COL23A1: variants seen among roughly 807,000 people sequenced by gnomAD.
COL23A1 encodes collagen type XXIII alpha 1 chain.
Under a neutral mutation model 99.3 loss-of-function variants are expected in COL23A1, and 97 were observed. The ratio of observed to expected loss-of-function variants is 0.98; its 90% CI spans 0.83 to 1.16. The LOEUF (loss-of-function observed/expected upper bound fraction) is 1.16, where lower values mean the gene tolerates loss of function less well. Ranked by LOEUF, COL23A1 falls within the 50% of genes most tolerant of loss-of-function variation. The pLI is 0.00. For synonymous variants in COL23A1, 320 were observed against 308.2 expected, an observed-to-expected ratio of 1.04 and a Z score of -0.40; for missense variants, 762 against 757.4, an observed-to-expected ratio of 1.01 and a Z score of -0.07.
At chr5:178,531,702 T>A (rs770222392) in intron 2 of COL23A1, among the ~76,000 whole-genome samples, 4 of 152,216 alleles carry the variant, frequency 2.6e-5, no homozygotes, top group Non-Finnish European at 4.4e-5. Context: ...ATTTTGTTAT[T>A]GTTGCCAAAA....
At chr5:178,511,425 G>A (rs1759198262) in intron 2 of COL23A1, among the ~76,000 whole-genome samples, 4 of 152,250 alleles carry the variant, frequency 2.6e-5, no homozygotes, top group Admixed American at 2.6e-4. Context: ...CTCCGGCTGT[G>A]AGTTGTCATT....
Position 178,309,781 on chromosome 5 carries a change from C to T in COL23A1, c.362-2862G>A, listed in dbSNP as rs1343031064. Among the ~76,000 whole-genome samples the T allele has an allele frequency of 3.3e-5, 5 of 151,982 alleles. No homozygotes were observed. The highest frequency in any genetic ancestry group is 4.8e-5 in the African/African-American group (2 of 41,350). ...CAGCATCAGGCGAACGCTGCCCCTG[C>T]ACTCAGTCCCCCACTCTGCCACTCG... On this transcript the variant is annotated intron_variant, in intron 2 of 28. Coordinates refer to ENST00000390654, the MANE Select transcript of COL23A1 (RefSeq NM_173465.4). This position sits in a 1 kb window ranked among gnomAD's most constrained non-coding sequence, Gnocchi z 4.7.
intron 2 of COL23A1, among the ~76,000 whole-genome samples, chr5:178,318,488 T>C (rs1427772158): frequency 6.6e-6 from 1 of 152,152 alleles, no homozygotes; most frequent in African/African-American, 2.4e-5. Flanking sequence ...TCAGCGTGCC[T>C]GAGACTACGA....
At chr5:178,334,662 C>T (rs1396342804) in intron 2 of COL23A1, among the ~76,000 whole-genome samples, 4 of 152,196 alleles carry the variant, frequency 2.6e-5, no homozygotes, top group Non-Finnish European at 4.4e-5. Flanking sequence ...AGAAAATTAC[C>T]TACATGGGTC....
At chr5:178,311,879 C>T (rs566345497) in intron 2 of COL23A1, among the ~76,000 whole-genome samples, 39 of 152,138 alleles carry the variant, frequency 2.6e-4, no homozygotes, top group Non-Finnish European at 4.0e-4. Context: ...CACAGGCACG[C>T]GCCACCATGC....
At chr5:178,331,028 G>A (rs747309571) in intron 2 of COL23A1, among the ~76,000 whole-genome samples, 1 of 152,194 alleles carries the variant, frequency 6.6e-6, no homozygotes, top group Admixed American at 6.5e-5. Context: ...GATAAACCTC[G>A]TCTCTCTTAT....
At chr5:178,400,227 C>T (rs186522762) in intron 2 of COL23A1, among the ~76,000 whole-genome samples, 2,444 of 151,876 alleles carry the variant, frequency 0.016, 29 homozygotes, top group Non-Finnish European at 0.024. Context: ...ATTAGCCGGG[C>T]GTGGTGGCGG....
Position 178,397,891 on chromosome 5 carries a change from G to A in COL23A1, c.362-90972C>T, listed in dbSNP as rs565910277. On this transcript the variant is annotated intron_variant, in intron 2 of 28. Transcript: ENST00000390654. ...AGTTCCAGCTACTCAGGAGGCTGAG[G>A]CAGGAGAACAGCCTGAACCTTGGAG... is the stretch of plus-strand genomic sequence containing the variant. 4.6e-5 allele frequency among the ~76,000 whole-genome samples: 7 copies of A among 152,292 alleles called. No homozygotes were observed. The East Asian group carries it at 1.4e-3, about 29-fold the overall frequency.
At chr5:178,357,554 G>C (rs796857842) in intron 2 of COL23A1, among the ~76,000 whole-genome samples, 31 of 152,368 alleles carry the variant, frequency 2.0e-4, no homozygotes, top group African/African-American at 7.2e-4. Context: ...TGCTCTGAAT[G>C]ATACCAAGAG....
At position 178,358,656 on chromosome 5, in the gene COL23A1, G is replaced by A. The variant is rs534393350; in HGVS notation, c.362-51737C>T. On this transcript the variant is annotated intron_variant, in intron 2 of 28. Transcript: ENST00000390654. Reference sequence around the variant, plus strand: ...GTCTAGTGTGTGTGTGTATGTGTACGTGTGTATGTGTCTAATGTGTATGTG... The same window carrying A: ...GTCTAGTGTGTGTGTGTATGTGTACATGTGTATGTGTCTAATGTGTATGTG... Among the ~76,000 whole-genome samples, 372 of 135,346 alleles carry A rather than the reference G, an allele frequency of 2.7e-3. 2 individuals carry two copies. Among genetic ancestry groups the A allele is most frequent in the Middle Eastern group, 8.0e-3 (2 of 250 alleles). 88.8% of individuals were successfully genotyped at this position (135,346 alleles called of 152,430 possible). A position where few individuals can be genotyped will look rare whatever the true frequency, so the allele number is the denominator to read the frequency against.
chr5:178,418,326 G>C (rs748486384), intron 2 of COL23A1, among the ~76,000 whole-genome samples: 26 of 152,314 alleles, frequency 1.7e-4, no homozygotes, highest in Middle Eastern at 3.4e-3. Flanking sequence ...CTCTCATGTG[G>C]GCTCCACCCT....
rs1247199203 is a variant in COL23A1, at chr5:178,371,554, G to A, written c.362-64635C>T. Among the ~76,000 whole-genome samples, 10 of 152,290 alleles carry A rather than the reference G, an allele frequency of 6.6e-5. No individual in the cohort carries two copies. The South Asian group carries it at 1.5e-3, about 22-fold the overall frequency. ...CAGCCCTGAACACTGGACACGCGGC[G>A]ACGGGCCTGAGCCTCCCTCAGGGGC... On this transcript the variant is annotated intron_variant, in intron 2 of 28. Transcript: ENST00000390654.
chr5:178,256,903 C>T lies in COL23A1; in HGVS notation c.800G>A (p.Arg267Gln), dbSNP rs530588654. The T allele has an allele frequency of 6.9e-5, 112 of 1,613,640 alleles. No individual in the cohort carries two copies. The highest frequency in any genetic ancestry group is 2.2e-4 in the South Asian group (20 of 91,016). ...GGCACCGTCCACACCGTTCTCTCCC[C>T]GAGGCCCCATGCTCCCTGGCTCGCC... ...PKGEPGSMGP[R>Q]GENGVDGAPG... The change falls in exon 14 of 29, where the codon CGG (arginine) becomes CAG (glutamine). Residue 267 changes from arginine (R) to glutamine (Q), a missense_variant. Coordinates refer to ENST00000390654, the MANE Select transcript of COL23A1 (RefSeq NM_173465.4).
intron 8 of COL23A1, among the ~76,000 whole-genome samples, chr5:178,265,123 C>T (rs2127556980): frequency 6.6e-6 from 1 of 152,210 alleles, no homozygotes; most frequent in East Asian, 1.9e-4. Flanking sequence ...TTTTCATCCA[C>T]AGATGTTCCC....
At chr5:178,585,740 G>GGATGGCGCT (rs1193106192) in intron 1 of COL23A1, among the ~76,000 whole-genome samples, 6 of 152,120 alleles carry the variant, frequency 3.9e-5, no homozygotes, top group Admixed American at 1.3e-4. Context: ...CCACAGCCCT[G>GGATGGCGCT]GCTGACCCTG....
At chr5:178,337,890 A>AT (rs1236210013) in intron 2 of COL23A1, among the ~76,000 whole-genome samples, 1 of 152,182 alleles carries the variant, frequency 6.6e-6, no homozygotes, top group East Asian at 1.9e-4. Context: ...TTGTTTATAT[A>AT]TTTTTTCATT....
rs888814171 is a variant in COL23A1 at position 178,519,265 on chromosome 5, A to C, written c.361+41417T>G. Among the ~76,000 whole-genome samples, 11 of 152,372 alleles carry C rather than the reference A, an allele frequency of 7.2e-5. No homozygotes were observed. In the East Asian group the frequency reaches 1.3e-3, roughly 19 times the overall value. On this transcript the variant is annotated intron_variant, in intron 2 of 28. Coordinates refer to ENST00000390654, the MANE Select transcript of COL23A1 (RefSeq NM_173465.4). ...GGCTCAGGGGCAGAACGTTGTCAGC[A>C]CAGAGCCCAGGCCTCAGACCGGGAG...
At position 178,590,285 on chromosome 5, in the gene COL23A1, G is replaced by A. The variant is rs1764205761; in HGVS notation, c.-88C>T. On this transcript the variant is annotated 5_prime_UTR_variant, in exon 1 of 29. Transcript: ENST00000390654. This position sits in a 1 kb window ranked among gnomAD's most constrained non-coding sequence, Gnocchi z 5.7. ...GAGAGGAGCAGGCGGGACAGCCCGA[G>A]GCACGAGGTCCGCCGGGCGCGGGGG... The A allele has an allele frequency of 3.6e-6, 4 of 1,119,908 alleles. 1 individual carries two copies. The Admixed American group carries it at 1.8e-4, about 51-fold the overall frequency. The allele number at this position is 1,119,908 out of a possible 1,614,324, so 69.4% of individuals were successfully genotyped here. A position where few individuals can be genotyped will look rare whatever the true frequency, so the allele number is the denominator to read the frequency against.
intron 2 of COL23A1, among the ~76,000 whole-genome samples, chr5:178,503,096 T>A (rs1399655848): frequency 9.9e-5 from 15 of 152,196 alleles, no homozygotes; most frequent in Admixed American, 9.2e-4. Context: ...AAAACGTCAA[T>A]GCTGGCCAGA....
Sources: gnomAD v4.1 joint callset for allele counts (sites outside exome capture counted in the v4.1 genomes callset) on GRCh38, gnomAD v4.1.1 for gene constraint, Gnocchi (gnomAD v3.1) non-coding constraint, MANE v1.5 for transcripts, NCBI Gene and HGNC (gene_info 2026-07-23, HGNC 2026-07-21) for gene names.